Variants in SLC2A11 observed in about 807,000 individuals in gnomAD.
The protein encoded by SLC2A11 is solute carrier family 2 member 11, also known as solute carrier family 2, facilitated glucose transporter member 11.
SLC2A11 carries 43 observed loss-of-function variants against 52.1 expected under a neutral mutation model. The observed-to-expected ratio is 0.82, with a 90% CI of 0.65 to 1.06. The LOEUF (loss-of-function observed/expected upper bound fraction) is 1.06. Ranked by LOEUF, SLC2A11 falls within the 50% of genes least tolerant of loss-of-function variation. The pLI, the probability that SLC2A11 is intolerant of heterozygous loss-of-function variation, is 0.00. For missense variants in SLC2A11, 582 were observed against 654.2 expected (o/e 0.89, Z 1.20); for synonymous variants, 261 against 277.6 (o/e 0.94, Z 0.59).
rs546127856 is a variant in SLC2A11, at chr22:23,862,253, T to C, written c.129+51T>C. 5 of 1,547,706 alleles carry C rather than the reference T, an allele frequency of 3.2e-6. No individual in the cohort carries two copies. The African/African-American group carries it at 6.8e-5, about 21-fold the overall frequency. On this transcript the variant is annotated intron_variant, in intron 2 of 11. Coordinates refer to ENST00000316185, the MANE Select transcript of SLC2A11 (RefSeq NM_001024939.4). ...TGTCCCTGTCTGAGTGGGTACTGGC[T>C]AACAGCTGCCCACTGAGGGGCTTCA...
At chr22:23,882,376 G>T in intron 6 of SLC2A11, 83 bp from the exon 7 acceptor site, 2 of 1,235,796 alleles carry the variant, frequency 1.6e-6, no homozygotes, top group Non-Finnish European at 2.2e-6. Flanking sequence ...GAAAGGAATG[G>T]TGGGATGGAG....
intron 4 of SLC2A11, among the ~76,000 whole-genome samples, chr22:23,875,963 G>T (rs930686335): frequency 6.6e-6 from 1 of 152,146 alleles, no homozygotes. Context: ...GGGGCTGGAG[G>T]ATCCACTTCC....
Position 23,867,692 on chromosome 22 carries a change from A to G in SLC2A11, c.130-789A>G, listed in dbSNP as rs202018059. ...ACTCACGGAGCTCTAGGAAAGGGAG[A>G]GGAGCTGAAGATTAAGGTCTATAAA... On this transcript the variant is annotated intron_variant, in intron 2 of 11. Transcript: ENST00000316185. The G allele has an allele frequency of 7.7e-5, 36 of 470,556 alleles. No homozygotes were observed. The East Asian group carries it at 2.5e-3, about 33-fold the overall frequency. 29.1% of individuals were successfully genotyped at this position (470,556 alleles called of 1,614,324 possible).
upstream of SLC2A11, chr22:23,857,092 G>C: frequency 7.9e-7 from 1 of 1,264,466 alleles, no homozygotes. Flanking sequence ...GGGGGTGTAG[G>C]TGGGGCGTGC....
chr22:23,884,111 C>T lies in SLC2A11; in HGVS notation c.1171+87C>T. ...GGTGCACAGTGGGTGGGTGTGAATG[C>T]AATGTCCCCTGCAGGCCCTCAGAGA... On this transcript the variant is annotated intron_variant, in intron 10 of 11. Coordinates refer to ENST00000316185, the MANE Select transcript of SLC2A11 (RefSeq NM_001024939.4). The surrounding 1 kb of genome is among the most constrained non-coding windows in gnomAD (Gnocchi z 4.3). The T allele has an allele frequency of 6.5e-7, 1 of 1,546,150 alleles. No individual in the cohort carries two copies. The highest frequency in any genetic ancestry group is 8.7e-7 in the Non-Finnish European group (1 of 1,142,888).
upstream of SLC2A11, chr22:23,857,486 G>T: frequency 6.2e-7 from 1 of 1,613,978 alleles, no homozygotes; most frequent in South Asian, 1.1e-5. Flanking sequence ...TGCGGCAGAG[G>T]CGGATGGAGG....
chr22:23,860,893 TG>T (rs1342371293), intron 1 of SLC2A11, among the ~76,000 whole-genome samples: 1 of 147,876 alleles, frequency 6.8e-6, no homozygotes, highest in Non-Finnish European at 1.5e-5. Context: ...TCGCCCAGGC[TG>T]GAGTGCAGTG....
chr22:23,863,478 G>A (rs1270016590), intron 2 of SLC2A11, among the ~76,000 whole-genome samples: 1 of 152,106 alleles, frequency 6.6e-6, no homozygotes, highest in African/African-American at 2.4e-5. Context: ...AAGTAAGAAG[G>A]GCAAGTACCT....
chr22:23,885,131 T>G lies in SLC2A11; in HGVS notation c.*282T>G, dbSNP rs2032960625. On this transcript the variant is annotated 3_prime_UTR_variant, in exon 12 of 12. Transcript: ENST00000316185. ...ACTTTGGGAGGCCAAGGTGGGAGGATCAATTGAGGCCAGAGTTTGAAACCA... is the reference window on the plus strand; with the variant it reads ...ACTTTGGGAGGCCAAGGTGGGAGGAGCAATTGAGGCCAGAGTTTGAAACCA... 3 of 518,132 alleles carry G rather than the reference T, an allele frequency of 5.8e-6. No individual in the cohort carries two copies. The highest frequency in any genetic ancestry group is 1.0e-5 in the Non-Finnish European group (3 of 296,292). 32.1% of individuals were successfully genotyped at this position (518,132 alleles called of 1,614,324 possible). A position where few individuals can be genotyped will look rare whatever the true frequency, so the allele number is the denominator to read the frequency against.
At chr22:23,862,284 G>T in intron 2 of SLC2A11, 82 bp downstream of exon 2, 1 of 1,322,262 alleles carries the variant, frequency 7.6e-7, no homozygotes, top group Non-Finnish European at 1.1e-6. Context: ...CTTCAGCCAG[G>T]CATCCACTAG....
At position 23,875,107 on chromosome 22, in the gene SLC2A11, T is replaced by C. The variant is rs150490035; in HGVS notation, c.291-10T>C. The C allele has an allele frequency of 1.5e-4, 234 of 1,565,140 alleles. 2 individuals carry two copies. In the African/African-American group the frequency reaches 2.7e-3, roughly 18 times the overall value. On this transcript the variant is annotated splice_polypyrimidine_tract_variant and intron_variant, in intron 3 of 11. Transcript: ENST00000316185. ...CAGCCTCTCTTTCTGTGTGTTTCAC[T>C]TCCCCCAAGGAAGAAGTCCCTCCTG...
chr22:23,859,654 A>G (rs1462472302), intron 1 of SLC2A11, among the ~76,000 whole-genome samples: 1 of 152,106 alleles, frequency 6.6e-6, no homozygotes, highest in Non-Finnish European at 1.5e-5. Context: ...AAGCCCGGCT[A>G]ATTTTTGTAT....
rs2032920186 is a variant in SLC2A11 at position 23,884,064 on chromosome 22, T to C, written c.1171+40T>C. On this transcript the variant is annotated intron_variant, in intron 10 of 11. Transcript: ENST00000316185. This position sits in a 1 kb window ranked among gnomAD's most constrained non-coding sequence, Gnocchi z 4.3. Reference sequence around the variant, plus strand: ...GGGGCTCTGGGCATCCATCATCACATAGAAGGAGTGATGGGTGCCTGGGTG... The same window carrying C: ...GGGGCTCTGGGCATCCATCATCACACAGAAGGAGTGATGGGTGCCTGGGTG... 6.3e-7 allele frequency: 1 copy of C among 1,598,156 alleles called. No individual in the cohort carries two copies. The highest frequency in any genetic ancestry group is 8.5e-7 in the Non-Finnish European group (1 of 1,173,388).
rs1568990950 is a variant in SLC2A11 at position 23,873,331 on chromosome 22, A to ATGTGTGTGTGTG, written c.291-1786_291-1785insTGTGTGTGTGTG. On this transcript the variant is annotated intron_variant, in intron 3 of 11. Coordinates refer to ENST00000316185, the MANE Select transcript of SLC2A11 (RefSeq NM_001024939.4). The stretch of plus-strand genomic sequence containing the variant: ...TGTGTGTGTGTGTGTGTGTGTGTGC[A>ATGTGTGTGTGTG]CGCGTGTGTGTAGCATGGTGGGGGG... The ATGTGTGTGTGTG allele has an allele frequency of 7.7e-4, 116 of 150,240 alleles. 1 individual carries two copies. Among genetic ancestry groups the ATGTGTGTGTGTG allele is most frequent in the African/African-American group, 2.6e-3 (104 of 40,122 alleles). 9.3% of individuals were successfully genotyped at this position (150,240 alleles called of 1,614,324 possible).
At chr22:23,883,558 G>C (rs2032899932) in intron 8 of SLC2A11, 1 of 502,462 alleles carries the variant, frequency 2.0e-6, no homozygotes, top group Non-Finnish European at 3.5e-6. Flanking sequence ...TACGGTTTGC[G>C]GGTCACTTCC....
Position 23,884,441 on chromosome 22 carries a change from C to T in SLC2A11, c.1299+12C>T. On this transcript the variant is annotated intron_variant, in intron 11 of 11. Coordinates refer to ENST00000316185, the MANE Select transcript of SLC2A11 (RefSeq NM_001024939.4). The surrounding 1 kb of genome is among the most constrained non-coding windows in gnomAD (Gnocchi z 4.3). ...TTCCCTTTATCATGGTAGGCCCGCC[C>T]CTCCCGCTGGGGGCCCTGCCTTAGG... is the stretch of plus-strand genomic sequence containing the variant. 1 of 1,611,232 alleles carries T rather than the reference C, an allele frequency of 6.2e-7. No individual in the cohort carries two copies. Among genetic ancestry groups the T allele is most frequent in the Non-Finnish European group, 8.5e-7 (1 of 1,178,392 alleles).
At chr22:23,866,664 C>G (rs2032275000) in intron 2 of SLC2A11, 1 of 152,662 alleles carries the variant, frequency 6.6e-6, no homozygotes, top group Admixed American at 6.5e-5. Context: ...TGTCTGTAAT[C>G]CCGGTGCTTT....
rs139491215 is a variant in SLC2A11, at chr22:23,881,953, A to AACAC, written c.695-486_695-483dup. On this transcript the variant is annotated intron_variant, in intron 6 of 11. Transcript: ENST00000316185. ...AGAGACAGAGGCAGAGAGAGAGAGAAACACACACACACACACACACACAGA... is the reference window on the plus strand; with the variant it reads ...AGAGACAGAGGCAGAGAGAGAGAGAAACACACACACACACACACACACACACAGA... 7.0e-3 allele frequency: 512 copies of AACAC among 73,328 alleles called. 34 individuals are homozygous for AACAC. The highest frequency in any genetic ancestry group is 0.022 in the Middle Eastern group (2 of 92). The allele number at this position is 73,328 out of a possible 1,614,324, so 4.5% of individuals were successfully genotyped here.
chr22:23,863,251 G>C (rs73158779), intron 2 of SLC2A11, among the ~76,000 whole-genome samples: 10,709 of 152,148 alleles, frequency 0.07, 401 homozygotes, highest in Middle Eastern at 0.13. Flanking sequence ...AAACCTTTTT[G>C]CCTCTCCAGC....
Sources: gnomAD v4.1 joint callset for allele counts (sites outside exome capture counted in the v4.1 genomes callset) on GRCh38, gnomAD v4.1.1 for gene constraint, Gnocchi (gnomAD v3.1) non-coding constraint, MANE v1.5 for transcripts, NCBI Gene and HGNC (gene_info 2026-07-23, HGNC 2026-07-21) for gene names.